ACBD6: variants seen among roughly 807,000 people sequenced by gnomAD.
ACBD6 encodes acyl-CoA binding domain containing 6.
Under a neutral mutation model 37.2 loss-of-function variants are expected in ACBD6, and 28 were observed. The observed-to-expected ratio is 0.75, with a 90% CI of 0.56 to 1.03. The LOEUF (loss-of-function observed/expected upper bound fraction) is 1.03, where lower values mean the gene tolerates loss of function less well. Ranked by LOEUF, ACBD6 falls within the 50% of genes least tolerant of loss-of-function variation. The pLI, the probability that ACBD6 is intolerant of heterozygous loss-of-function variation, is 0.00. For missense variants in ACBD6, 340 were observed against 337.4 expected (o/e 1.01, Z -0.06); for synonymous variants, 113 against 126.8 (o/e 0.89, Z 0.73).
chr1:180,398,694 GA>G (rs537604291), intron 5 of ACBD6, among the ~76,000 whole-genome samples: 2 of 151,984 alleles, frequency 1.3e-5, no homozygotes, highest in Non-Finnish European at 2.9e-5. Flanking sequence ...TTTAGTTAAT[GA>G]AAAAAAGCCT....
At chr1:180,449,772 G>C (rs962497461) in intron 3 of ACBD6, among the ~76,000 whole-genome samples, 2 of 151,814 alleles carry the variant, frequency 1.3e-5, no homozygotes, top group Non-Finnish European at 2.9e-5. Context: ...GTAGGGTGGG[G>C]ACAGGGGGAG....
At chr1:180,373,830 A>C (rs1030110320) in intron 6 of ACBD6, among the ~76,000 whole-genome samples, 1 of 152,190 alleles carries the variant, frequency 6.6e-6, no homozygotes, top group Non-Finnish European at 1.5e-5. Flanking sequence ...AAATTTTTAG[A>C]AAGTGTAAAG....
At chr1:180,482,608 T>C (rs568277491) in intron 3 of ACBD6, among the ~76,000 whole-genome samples, 1 of 152,140 alleles carries the variant, frequency 6.6e-6, no homozygotes, top group East Asian at 1.9e-4. Context: ...ATCTTATTTA[T>C]GTTGAACTTT....
chr1:180,344,213 G>A (rs1273508365), intron 6 of ACBD6, among the ~76,000 whole-genome samples: 1 of 152,194 alleles, frequency 6.6e-6, no homozygotes, highest in Admixed American at 6.5e-5. Context: ...GTAATTAGAA[G>A]GAATGGGGTA....
chr1:180,444,072 C>T (rs1005776699), intron 3 of ACBD6, among the ~76,000 whole-genome samples: 7 of 151,934 alleles, frequency 4.6e-5, no homozygotes, highest in Non-Finnish European at 8.8e-5. Flanking sequence ...TTCCCAGGAA[C>T]ATAAGTCCTA....
At chr1:180,477,978 T>TAAAAAAAAAAAA (rs58326495) in intron 3 of ACBD6, among the ~76,000 whole-genome samples, 6,630 of 144,250 alleles carry the variant, frequency 0.046, 199 homozygotes, top group South Asian at 0.083. Context: ...TCCATCTCTT[T>TAAAAAAAAAAAA]AAAAAAAAAA....
At chr1:180,342,133 G>T (rs1043602896) in intron 6 of ACBD6, among the ~76,000 whole-genome samples, 4 of 152,088 alleles carry the variant, frequency 2.6e-5, no homozygotes, top group African/African-American at 7.2e-5. Flanking sequence ...TGTCTACCTA[G>T]AAATCAATTA....
At chr1:180,274,474 T>C (rs1390314441) in intron 10 of ACBD6, 1 of 1,614,086 alleles carries the variant, frequency 6.2e-7, no homozygotes. Context: ...GAGCCATGGC[T>C]GGGGGACCCA....
At chr1:180,361,331 G>A (rs1652844258) in intron 6 of ACBD6, among the ~76,000 whole-genome samples, 1 of 146,330 alleles carries the variant, frequency 6.8e-6, no homozygotes, top group South Asian at 2.1e-4. Context: ...TTTATATTGA[G>A]AGGATGTCAG....
At chr1:180,325,257 A>G (rs1054670580) in intron 6 of ACBD6, among the ~76,000 whole-genome samples, 12 of 151,990 alleles carry the variant, frequency 7.9e-5, no homozygotes, top group Non-Finnish European at 1.6e-4. Flanking sequence ...GCTGTTTTCT[A>G]GATCTTTTAA....
At chr1:180,441,099 T>A (rs140626827) in intron 3 of ACBD6, among the ~76,000 whole-genome samples, 36 of 152,318 alleles carry the variant, frequency 2.4e-4, no homozygotes, top group South Asian at 6.2e-4. Context: ...ATTTTTAACT[T>A]TTTGAGGAAC....
At chr1:180,400,121 A>G (rs1249613221) in intron 5 of ACBD6, among the ~76,000 whole-genome samples, 1 of 152,228 alleles carries the variant, frequency 6.6e-6, no homozygotes, top group Non-Finnish European at 1.5e-5. Flanking sequence ...TCAATGGTAA[A>G]GCTGACAAGC....
chr1:180,272,147 A>G lies in ACBD6; in HGVS notation c.*1254-176T>C, dbSNP rs899786140. ...AGGCTTTTCCTTAAGACTTGCAGTG[A>G]AGGGTGGGGGAAATGGTAGTGGCCC... On this transcript the variant is annotated intron_variant, in intron 13 of 13. Coordinates refer to the ACBD6 transcript ENST00000642319. 6 of 728,464 alleles carry G rather than the reference A, an allele frequency of 8.2e-6. No individual in the cohort carries two copies. The African/African-American group carries it at 1.1e-4, about 13-fold the overall frequency. 45.1% of individuals were successfully genotyped at this position (728,464 alleles called of 1,614,324 possible).
chr1:180,290,709 G>A (rs1245158418), intron 7 of ACBD6, among the ~76,000 whole-genome samples: 1 of 143,218 alleles, frequency 7.0e-6, no homozygotes, highest in Non-Finnish European at 1.6e-5. Context: ...TTGAAGGATC[G>A]AGCAAAATTT....
At chr1:180,428,980 C>T (rs1648707413) in intron 4 of ACBD6, among the ~76,000 whole-genome samples, 2 of 152,160 alleles carry the variant, frequency 1.3e-5, no homozygotes, top group Non-Finnish European at 2.9e-5. Context: ...ACTAAACTAT[C>T]AGCTCTTCAA....
At chr1:180,457,738 C>T (rs974575590) in intron 3 of ACBD6, among the ~76,000 whole-genome samples, 2 of 150,532 alleles carry the variant, frequency 1.3e-5, no homozygotes, top group Non-Finnish European at 3.0e-5. Flanking sequence ...TATAGGCATA[C>T]ACAAACACTA....
At chr1:180,496,004 A>T (rs1307662517) in intron 1 of ACBD6, among the ~76,000 whole-genome samples, 1 of 152,186 alleles carries the variant, frequency 6.6e-6, no homozygotes, top group African/African-American at 2.4e-5. Context: ...ACAGTGTACT[A>T]CTTTTAAAGT....
At chr1:180,464,953 T>C (rs887108755) in intron 3 of ACBD6, among the ~76,000 whole-genome samples, 4 of 152,160 alleles carry the variant, frequency 2.6e-5, no homozygotes, top group African/African-American at 9.7e-5. Context: ...ATTCAATAAA[T>C]GGTGCTGGGA....
At chr1:180,343,996 G>T (rs1652081169) in intron 6 of ACBD6, among the ~76,000 whole-genome samples, 1 of 152,130 alleles carries the variant, frequency 6.6e-6, no homozygotes, top group Admixed American at 6.6e-5. Context: ...CCAGAGTAGG[G>T]AAAAAGTGCT....
Sources: gnomAD v4.1 joint callset for allele counts (sites outside exome capture counted in the v4.1 genomes callset) on GRCh38, gnomAD v4.1.1 for gene constraint, MANE v1.5 for transcripts, NCBI Gene and HGNC (gene_info 2026-07-23, HGNC 2026-07-21) for gene names.